The following C1orf167 variants were observed in gnomAD, a reference collection of about 807,000 sequenced individuals.
C1orf167 encodes chromosome 1 open reading frame 167.
In C1orf167, 153 loss-of-function variants were observed where a neutral mutation model predicts 176.5. The observed-to-expected ratio is 0.87, with a 90% CI of 0.76 to 0.99. The LOEUF is 0.99. C1orf167 is among the 50% of genes least tolerant of loss of function. C1orf167 has a pLI of 0.00. For synonymous variants in C1orf167, 594 were observed against 752.7 expected, an observed-to-expected ratio of 0.79 and a Z score of 3.45; for missense variants, 1,490 against 1,817.7, an observed-to-expected ratio of 0.82 and a Z score of 3.28.
Position 11,785,254 on chromosome 1 carries a change from C to G in C1orf167, c.3532C>G (p.Leu1178Val). The change falls in exon 16 of 21, where the codon CTC (leucine) becomes GTC (valine). Residue 1178 changes from leucine (L) to valine (V), a missense_variant. Physicochemically the swap from Leu to Val is conservative, Grantham distance 32. Transcript: ENST00000688073. ...ELRRFLRTVQ[L>V]RVRLGLPGAG... ...CAGGCGCTTCCTGCGGACAGTGCAG[C>G]TCAGGGTGCGGCTGGGACTGCCAGG... The G allele has an allele frequency of 7.8e-7, 1 of 1,289,902 alleles. No individual in the cohort carries two copies. Among genetic ancestry groups the G allele is most frequent in the Non-Finnish European group, 1.0e-6 (1 of 987,704 alleles). The allele number at this position is 1,289,902 out of a possible 1,614,324, so 79.9% of individuals were successfully genotyped here. A position where few individuals can be genotyped will look rare whatever the true frequency, so the allele number is the denominator to read the frequency against.
rs1418106063 is a variant in C1orf167 at position 11,768,122 on chromosome 1, G to A, written c.1389G>A (p.Val463=). The stretch of plus-strand genomic sequence containing the variant: ...GTTTTCGATCCTGGAGGCACTTGGT[G>A]AAGAGGCAGCGGGAGCCAGCGGCGG... ...SRCFRSWRHL[V]KRQREPAAAA... The change falls in exon 5 of 21, where the codon GTG becomes GTA. Residue 463 remains valine (V), a synonymous_variant. Transcript: ENST00000688073. The surrounding 1 kb of genome is among the most constrained non-coding windows in gnomAD (Gnocchi z 4.5). 3.1e-6 allele frequency: 4 copies of A among 1,289,564 alleles called. No individual in the cohort carries two copies. The highest frequency in any genetic ancestry group is 4.0e-6 in the Non-Finnish European group (4 of 988,816). The allele number at this position is 1,289,564 out of a possible 1,614,324, so 79.9% of individuals were successfully genotyped here.
At chr1:11,785,359 G>C (rs1643810786) in intron 16 of C1orf167, 70 bp downstream of exon 16, 1 of 1,218,394 alleles carries the variant, frequency 8.2e-7, no homozygotes, top group Non-Finnish European at 1.1e-6. Context: ...CCTGCTGCTG[G>C]ACGCCCCAGC....
intron 1 of C1orf167, among the ~76,000 whole-genome samples, chr1:11,763,719 C>G (rs772075717): frequency 2.0e-5 from 3 of 152,094 alleles, no homozygotes; most frequent in Non-Finnish European, 4.4e-5. Context: ...ACCCTGCCGC[C>G]GCATGAAGAG....
chr1:11,762,336 G>C, intron 1 of C1orf167, 31 bp downstream of exon 1: 1 of 362,358 alleles, frequency 2.8e-6, no homozygotes, highest in Non-Finnish European at 5.5e-6. Context: ...GCAGGAAACT[G>C]ACCTCAGACT....
At chr1:11,771,437 C>A in intron 6 of C1orf167, 87 bp from the exon 7 acceptor site, 2 of 763,694 alleles carry the variant, frequency 2.6e-6, no homozygotes, top group Non-Finnish European at 3.9e-6. Context: ...GGGCAGACCG[C>A]ACCTGCCTGG....
At chr1:11,771,671 G>A (rs1156820787) in intron 7 of C1orf167, 35 bp downstream of exon 7, 1 of 1,271,748 alleles carries the variant, frequency 7.9e-7, no homozygotes. Flanking sequence ...CGGGGAGATG[G>A]AGCCTGGCCA....
chr1:11,766,308 AG>A lies in C1orf167; in HGVS notation c.524del (p.Gly175AlafsTer150). 7.8e-7 allele frequency: 1 copy of A among 1,288,824 alleles called. No individual in the cohort carries two copies. Among genetic ancestry groups the A allele is most frequent in the Non-Finnish European group, 1.0e-6 (1 of 988,512 alleles). 79.8% of individuals were successfully genotyped at this position (1,288,824 alleles called of 1,614,324 possible). A position where few individuals can be genotyped will look rare whatever the true frequency, so the allele number is the denominator to read the frequency against. On this transcript the variant is annotated frameshift_variant, in exon 3 of 21. Transcript: ENST00000688073. LOFTEE classifies it high-confidence loss of function. The surrounding 1 kb of genome is among the most constrained non-coding windows in gnomAD (Gnocchi z 4.5). ...TGAGGCAGTCCGGGCTGCCGGCCCC[AG>A]GCACCCCTAGCGGGGACTTCAGGCC... is the stretch of plus-strand genomic sequence containing the variant. Reference protein sequence around the residue: ...CLRQSGLPAPGTPSGDFRPTE... With the variant: ...CLRQSGLPAPXTPSGDFRPTE...
At chr1:11,763,173 C>T (rs780643344) in intron 1 of C1orf167, among the ~76,000 whole-genome samples, 92 of 152,338 alleles carry the variant, frequency 6.0e-4, no homozygotes, top group Non-Finnish European at 4.3e-4. Context: ...GGTGTGGTGG[C>T]TCACGCCTGT....
At chr1:11,774,782 A>G (rs1643233094) in intron 8 of C1orf167, among the ~76,000 whole-genome samples, 1 of 152,172 alleles carries the variant, frequency 6.6e-6, no homozygotes. Context: ...CCGCTGGAGG[A>G]TTAGCAGGTG....
intron 1 of C1orf167, among the ~76,000 whole-genome samples, chr1:11,763,177 CGCCTGTAATCCCA>C (rs1642604471): frequency 6.6e-6 from 1 of 152,176 alleles, no homozygotes; most frequent in African/African-American, 2.4e-5. Context: ...TGGTGGCTCA[CGCCTGTAATCCCA>C]GCACTTTGGG....
At position 11,768,520 on chromosome 1, in the gene C1orf167, C is replaced by T. The variant is rs115840303; in HGVS notation, c.1542+245C>T. Among the ~76,000 whole-genome samples the T allele has an allele frequency of 3.3e-4, 51 of 152,322 alleles. No homozygotes were observed. The highest frequency in any genetic ancestry group is 1.2e-3 in the African/African-American group (51 of 41,576). On this transcript the variant is annotated intron_variant, in intron 5 of 20. Coordinates refer to ENST00000688073, the MANE Select transcript of C1orf167 (RefSeq NM_001010881.2). The surrounding 1 kb of genome is among the most constrained non-coding windows in gnomAD (Gnocchi z 4.5). Reference sequence around the variant, plus strand: ...TTACCTAACCTCTCTGTGCCCCAGTCTCTTTATCTCTAAAATGGGATGATG... The same window carrying T: ...TTACCTAACCTCTCTGTGCCCCAGTTTCTTTATCTCTAAAATGGGATGATG...
At chr1:11,774,602 C>G (rs573688030) in intron 8 of C1orf167, among the ~76,000 whole-genome samples, 1 of 152,142 alleles carries the variant, frequency 6.6e-6, no homozygotes, top group South Asian at 2.1e-4. Flanking sequence ...GGCCTCTGGC[C>G]GGGAGTGTAA....
intron 17 of C1orf167, 100 bp from the exon 18 acceptor site, chr1:11,787,773 C>T: frequency 8.5e-7 from 1 of 1,171,468 alleles, no homozygotes; most frequent in Non-Finnish European, 1.1e-6. Context: ...TCAGCACCTT[C>T]CTCCACCCTC....
intron 1 of C1orf167, among the ~76,000 whole-genome samples, chr1:11,763,049 G>A (rs1404156989): frequency 1.3e-5 from 2 of 152,286 alleles, no homozygotes; most frequent in African/African-American, 2.4e-5. Context: ...GGTCGTGTGT[G>A]CCATTTGGAG....
At chr1:11,765,269 G>A (rs1642733606) in intron 2 of C1orf167, among the ~76,000 whole-genome samples, 1 of 151,894 alleles carries the variant, frequency 6.6e-6, no homozygotes, top group Non-Finnish European at 1.5e-5. Flanking sequence ...CAGGCCCTGC[G>A]CCCAGAGCCT....
Position 11,765,848 on chromosome 1 carries a change from T to C in C1orf167, c.71-9T>C, listed in dbSNP as rs966728219. The C allele has an allele frequency of 5.9e-6, 7 of 1,188,928 alleles. No individual in the cohort carries two copies. In the African/African-American group the frequency reaches 1.1e-4, roughly 19 times the overall value. 73.6% of individuals were successfully genotyped at this position (1,188,928 alleles called of 1,614,324 possible). A position where few individuals can be genotyped will look rare whatever the true frequency, so the allele number is the denominator to read the frequency against. ...CCACCCAAGTCATGACTGTCTCTCC[T>C]CTCTTTAGAGCAACGAAGATTCCGG... On this transcript the variant is annotated splice_polypyrimidine_tract_variant and intron_variant, in intron 2 of 20. Coordinates refer to ENST00000688073, the MANE Select transcript of C1orf167 (RefSeq NM_001010881.2).
intron 14 of C1orf167, among the ~76,000 whole-genome samples, chr1:11,783,852 GTTTTGTTTCA>G (rs147674790): frequency 0.062 from 9,376 of 151,984 alleles, 337 homozygotes; most frequent in Middle Eastern, 0.095. Context: ...ATCTGTTTTT[GTTTTGTTTCA>G]TTTTGTTTTT....
chr1:11,772,031 C>A, intron 7 of C1orf167, 51 bp from the exon 8 acceptor site: 2 of 1,242,408 alleles, frequency 1.6e-6, no homozygotes, highest in South Asian at 1.4e-5. Context: ...TGGCTCAGAT[C>A]CTCCCATCTG....
chr1:11,773,910 T>TA (rs1258523108), intron 8 of C1orf167, among the ~76,000 whole-genome samples: 4 of 77,324 alleles, frequency 5.2e-5, no homozygotes, highest in African/African-American at 1.1e-4. Context: ...TATTTTTAAT[T>TA]AAAAAAAAAT....
Sources: gnomAD v4.1 joint callset for allele counts (sites outside exome capture counted in the v4.1 genomes callset) on GRCh38, gnomAD v4.1.1 for gene constraint, Gnocchi (gnomAD v3.1) non-coding constraint, MANE v1.5 for transcripts, NCBI Gene and HGNC (gene_info 2026-07-23, HGNC 2026-07-21) for gene names.